CCSER1: variants seen among roughly 807,000 people sequenced by gnomAD.
CCSER1 encodes serine-rich coiled-coil domain-containing protein 1.
In CCSER1, 41 loss-of-function variants were observed where a neutral mutation model predicts 82.0. The ratio of observed to expected loss-of-function variants is 0.50; its 90% CI spans 0.39 to 0.65. The LOEUF (loss-of-function observed/expected upper bound fraction) is 0.65. Ranked by LOEUF, CCSER1 falls within the 30% of genes least tolerant of loss-of-function variation. CCSER1 has a pLI of 0.00. For missense variants in CCSER1, 1,119 were observed against 1,064.2 expected, an observed-to-expected ratio of 1.05 and a Z score of -0.72; for synonymous variants, 414 against 383.9, an observed-to-expected ratio of 1.08 and a Z score of -0.92.
chr4:91,050,079 C>T (rs1742861113), intron 9 of CCSER1, among the ~76,000 whole-genome samples: 1 of 152,110 alleles, frequency 6.6e-6, no homozygotes, highest in Non-Finnish European at 1.5e-5. Context: ...TTCATATATA[C>T]ACATTTGTGA....
chr4:91,310,062 G>A (rs562943739), intron 10 of CCSER1, among the ~76,000 whole-genome samples: 2 of 151,952 alleles, frequency 1.3e-5, no homozygotes, highest in South Asian at 2.1e-4. Flanking sequence ...CTCCTTATGT[G>A]GTTGTCTCTC....
chr4:90,416,591 C>G lies in CCSER1; in HGVS notation c.1603+16462C>G, dbSNP rs147275062. 4.3e-3 allele frequency among the ~76,000 whole-genome samples: 658 copies of G among 152,238 alleles called. 5 individuals are homozygous for G. Among genetic ancestry groups the G allele is most frequent in the African/African-American group, 0.015 (637 of 41,554 alleles). On this transcript the variant is annotated intron_variant, in intron 4 of 10. Transcript: ENST00000509176. ...CCCAAAATAGGGTAAGAGCCCAGTA[C>G]AAGTTGGTTACCATTCTTGAAATTT...
chr4:90,217,064 C>T (rs1741172302), intron 1 of CCSER1, among the ~76,000 whole-genome samples: 1 of 152,062 alleles, frequency 6.6e-6, no homozygotes, highest in African/African-American at 2.4e-5. Flanking sequence ...AATGAGATTA[C>T]ATTCTTGATT....
At chr4:91,323,298 C>A (rs1310613861) in intron 10 of CCSER1, among the ~76,000 whole-genome samples, 2 of 152,086 alleles carry the variant, frequency 1.3e-5, no homozygotes, top group South Asian at 2.1e-4. Context: ...TGTGCAACAC[C>A]CAGAAAGCTC....
chr4:90,520,626 A>G (rs1265605204), intron 5 of CCSER1, among the ~76,000 whole-genome samples: 2 of 152,238 alleles, frequency 1.3e-5, no homozygotes, highest in Non-Finnish European at 2.9e-5. Flanking sequence ...CATCAGCATT[A>G]TTTTAACATT....
chr4:90,769,543 C>T (rs1359166016), intron 7 of CCSER1, among the ~76,000 whole-genome samples: 1 of 152,138 alleles, frequency 6.6e-6, no homozygotes. Context: ...TTGTTATAGG[C>T]CAGTGGCTTT....
chr4:90,326,282 C>T (rs1363033633), intron 3 of CCSER1, among the ~76,000 whole-genome samples: 1 of 151,912 alleles, frequency 6.6e-6, no homozygotes, highest in Non-Finnish European at 1.5e-5. Flanking sequence ...AGGTGGTCTC[C>T]ATCTCCTGAC....
At chr4:90,458,756 T>G (rs538429410) in intron 4 of CCSER1, among the ~76,000 whole-genome samples, 116 of 152,200 alleles carry the variant, frequency 7.6e-4, no homozygotes, top group Non-Finnish European at 1.4e-3. Context: ...AGGAGCAGAC[T>G]ACAGATGATG....
At chr4:90,898,817 G>T (rs574228932) in intron 8 of CCSER1, among the ~76,000 whole-genome samples, 1 of 151,522 alleles carries the variant, frequency 6.6e-6, no homozygotes, top group Non-Finnish European at 1.5e-5. Context: ...GTCTGTTTAT[G>T]TATTGGTACC....
intron 10 of CCSER1, among the ~76,000 whole-genome samples, chr4:91,533,348 T>C (rs1238566434): frequency 6.6e-6 from 1 of 152,192 alleles, no homozygotes; most frequent in Middle Eastern, 3.2e-3. Context: ...GCCATAAGTT[T>C]TCCTATGATT....
chr4:90,875,148 G>C (rs558936030), intron 8 of CCSER1, among the ~76,000 whole-genome samples: 299 of 152,234 alleles, frequency 2.0e-3, no homozygotes, highest in African/African-American at 6.7e-3. Flanking sequence ...CCGAGTGCTT[G>C]AGTTCTCTAA....
At chr4:90,762,452 G>A (rs897946226) in intron 7 of CCSER1, among the ~76,000 whole-genome samples, 15 of 152,130 alleles carry the variant, frequency 9.9e-5, no homozygotes, top group Admixed American at 7.2e-4. Flanking sequence ...TAAGTTATAT[G>A]TGTTACTTGT....
intron 10 of CCSER1, among the ~76,000 whole-genome samples, chr4:91,520,561 A>C (rs1228633236): frequency 1.3e-5 from 2 of 152,176 alleles, no homozygotes; most frequent in African/African-American, 4.8e-5. Flanking sequence ...GGTTTTAAGC[A>C]AAAACACATT....
chr4:91,120,010 T>C (rs1331438774), intron 10 of CCSER1, among the ~76,000 whole-genome samples: 1 of 151,984 alleles, frequency 6.6e-6, no homozygotes, highest in Non-Finnish European at 1.5e-5. Flanking sequence ...AAAACTGACA[T>C]GTACAATTGA....
intron 3 of CCSER1, among the ~76,000 whole-genome samples, chr4:90,335,206 T>C (rs1740153557): frequency 1.3e-5 from 2 of 152,222 alleles, no homozygotes; most frequent in Admixed American, 6.5e-5. Context: ...TGCAAGATTA[T>C]TTTCTAATTA....
chr4:91,231,145 G>A (rs1738596816), intron 10 of CCSER1, among the ~76,000 whole-genome samples: 2 of 151,670 alleles, frequency 1.3e-5, no homozygotes, highest in Non-Finnish European at 2.9e-5. Context: ...ATATACGCAC[G>A]ACGGTATTCA....
intron 1 of CCSER1, among the ~76,000 whole-genome samples, chr4:90,164,562 A>G (rs1730102097): frequency 6.6e-6 from 1 of 152,130 alleles, no homozygotes; most frequent in South Asian, 2.1e-4. Context: ...CACACAGCTA[A>G]CTGAATATTT....
In CCSER1 at chr4:91,602,654, A is replaced by T. The variant is rs562739186; in HGVS notation, c.*3597A>T. On this transcript the variant is annotated 3_prime_UTR_variant, in exon 11 of 11. Transcript: ENST00000509176. Reference sequence around the variant, plus strand: ...TACTTTTTCACTTTCAGAACTTAACATTCTAAACAGCTATAGAAGGAAGTG... The same window carrying T: ...TACTTTTTCACTTTCAGAACTTAACTTTCTAAACAGCTATAGAAGGAAGTG... Among the ~76,000 whole-genome samples, 1 of 152,064 alleles carries T rather than the reference A, an allele frequency of 6.6e-6. No homozygotes were observed. The highest frequency in any genetic ancestry group is 1.5e-5 in the Non-Finnish European group (1 of 67,944).
At chr4:90,440,898 C>G (rs1200817221) in intron 4 of CCSER1, among the ~76,000 whole-genome samples, 4 of 151,872 alleles carry the variant, frequency 2.6e-5, no homozygotes, top group African/African-American at 4.8e-5. Context: ...AGACACTTGC[C>G]CTATTCTCAG....
Sources: allele counts gnomAD v4.1 joint callset (sites outside exome capture counted in the v4.1 genomes callset), GRCh38; gene constraint gnomAD v4.1.1; transcripts MANE v1.5; gene names NCBI Gene and HGNC (gene_info 2026-07-23, HGNC 2026-07-21).